BTBD8: variants seen among roughly 807,000 people sequenced by gnomAD.
BTBD8 encodes BTB domain containing 8.
Under a neutral mutation model 162.9 loss-of-function variants are expected in BTBD8, and 110 were observed. That is an observed-to-expected ratio of 0.68 (90% CI 0.58 to 0.79). The LOEUF (loss-of-function observed/expected upper bound fraction) is 0.79. Ranked by LOEUF, BTBD8 falls within the 30% of genes least tolerant of loss-of-function variation. The pLI, the probability that BTBD8 is intolerant of heterozygous loss-of-function variation, is 0.00. For synonymous variants in BTBD8, 667 were observed against 716.1 expected (o/e 0.93, Z 1.10); for missense variants, 1,905 against 2,085.4 (o/e 0.91, Z 1.68).
At chr1:92,144,368 G>A (rs1391279792) in intron 7 of BTBD8, among the ~76,000 whole-genome samples, 4 of 151,964 alleles carry the variant, frequency 2.6e-5, no homozygotes. Context: ...ATAATGTGAT[G>A]GGCAGTCGGC....
rs547038109 is a variant in BTBD8 at position 92,184,321 on chromosome 1, T to G, written c.5370T>G (p.Thr1790=). ...AGTGGACAATTCTGGAACTGGAAACTCAGCATTAAGTGTTAACATTTTGGA... is the reference window on the plus strand; with the variant it reads ...AGTGGACAATTCTGGAACTGGAAACGCAGCATTAAGTGTTAACATTTTGGA... The part of the protein sequence containing the change: ...QGEWTILELE[T]QH The change falls in exon 18 of 18, where the codon ACT becomes ACG. Residue 1790 remains threonine, a synonymous_variant. Transcript: ENST00000636805. The G allele has an allele frequency of 9.0e-6, 14 of 1,547,236 alleles. No individual in the cohort carries two copies. In the South Asian group the frequency reaches 1.4e-4, roughly 16 times the overall value.
intron 16 of BTBD8, among the ~76,000 whole-genome samples, chr1:92,178,825 A>G (rs1290249019): frequency 6.6e-6 from 1 of 152,178 alleles, no homozygotes. Context: ...GAGAGAAATA[A>G]TTAAGGGAGT....
chr1:92,107,958 G>A lies in BTBD8; in HGVS notation c.619G>A (p.Asp207Asn), dbSNP rs766250060. ...GCTTTATGTGAAACCTTGTTGCCCA[G>A]ATATTGATATTTTTGTTGATGGAAA... ...LKLYVKPCCP[D>N]IDIFVDGKRF... The change falls in exon 4 of 18, where the codon GAT becomes AAT. Residue 207 changes from aspartate to asparagine, a missense_variant. This residue lies in a region of BTBD8 where 1,374 missense variants were observed against 1,442.7 expected (regional missense o/e 0.95). Coordinates refer to ENST00000636805, the MANE Select transcript of BTBD8 (RefSeq NM_001376131.1). 2 of 1,614,078 alleles carry A rather than the reference G, an allele frequency of 1.2e-6. No individual in the cohort carries two copies. The highest frequency in any genetic ancestry group is 1.7e-6 in the Non-Finnish European group (2 of 1,179,988).
chr1:92,180,128 T>A (rs1035723321), intron 16 of BTBD8, 137 bp from the exon 17 acceptor site: 1 of 624,434 alleles, frequency 1.6e-6, no homozygotes, highest in African/African-American at 1.9e-5. Flanking sequence ...CTTGTCCATT[T>A]GATCATAGAT....
intron 1 of BTBD8, among the ~76,000 whole-genome samples, chr1:92,085,960 G>A (rs1005934254): frequency 1.3e-5 from 2 of 152,156 alleles, no homozygotes; most frequent in Admixed American, 6.5e-5. Context: ...GGAAGCCCAC[G>A]CTGTTTATTG....
chr1:92,151,090 C>T (rs959600938), intron 9 of BTBD8, among the ~76,000 whole-genome samples: 23 of 152,052 alleles, frequency 1.5e-4, no homozygotes, highest in South Asian at 4.1e-4. Context: ...TGGTGGCTCG[C>T]GCCTGTAATC....
intron 6 of BTBD8, chr1:92,139,634 A>G (rs1649719504): frequency 1.9e-6 from 2 of 1,074,516 alleles, no homozygotes; most frequent in Non-Finnish European, 2.3e-6. Flanking sequence ...CACAGTAATA[A>G]GATTGAGAAC....
chr1:92,112,285 T>C (rs1648918440), intron 4 of BTBD8, among the ~76,000 whole-genome samples: 1 of 152,086 alleles, frequency 6.6e-6, no homozygotes, highest in Non-Finnish European at 1.5e-5. Flanking sequence ...GCACCTGTAG[T>C]CTCAGCTAAT....
At chr1:92,093,621 T>G (rs1371855033) in intron 2 of BTBD8, among the ~76,000 whole-genome samples, 3 of 152,208 alleles carry the variant, frequency 2.0e-5, no homozygotes, top group African/African-American at 7.2e-5. Flanking sequence ...TTACCATTAG[T>G]TTCCTCCTCT....
chr1:92,127,687 G>A (rs1203305023), intron 4 of BTBD8, among the ~76,000 whole-genome samples: 2 of 151,982 alleles, frequency 1.3e-5, no homozygotes, highest in Non-Finnish European at 2.9e-5. Context: ...TGACTCTCCC[G>A]AGTAGCAGGG....
In BTBD8 at chr1:92,088,750, T is replaced by G; in HGVS notation, c.202T>G (p.Leu68Val). The G allele has an allele frequency of 6.2e-7, 1 of 1,612,740 alleles. No homozygotes were observed. The highest frequency in any genetic ancestry group is 8.5e-7 in the Non-Finnish European group (1 of 1,179,172). Residue 68 changes from leucine (L) to valine (V), a missense_variant, in exon 2 of 18, where the codon TTG becomes GTG. Transcript: ENST00000636805. The part of the protein sequence containing the change: ...TDVTFSVGCT[L>V]FKAHKAVLLA... ...TGTTACCTTCTCTGTGGGTTGTACT[T>G]TGTTCAAAGCACACAAAGCAGTCCT...
rs114282740 is a variant in BTBD8, at chr1:92,152,818, A to G, written c.1122+5032A>G. The stretch of plus-strand genomic sequence containing the variant: ...TGAATACTTGACATTTTCTTTCAAG[A>G]CAGATAAAAAGATAAACATCAGAAC... On this transcript the variant is annotated intron_variant, in intron 9 of 17. Coordinates refer to ENST00000636805, the MANE Select transcript of BTBD8 (RefSeq NM_001376131.1). Among the ~76,000 whole-genome samples the G allele has an allele frequency of 1.8e-3, 268 of 152,290 alleles. 3 individuals carry two copies. The highest frequency in any genetic ancestry group is 5.9e-3 in the African/African-American group (245 of 41,570).
At chr1:92,183,210 G>A (rs1021181829) in intron 17 of BTBD8, among the ~76,000 whole-genome samples, 12 of 152,088 alleles carry the variant, frequency 7.9e-5, no homozygotes, top group African/African-American at 2.7e-4. Context: ...ATGATTTTCT[G>A]TCTAATTGTT....
intron 4 of BTBD8, among the ~76,000 whole-genome samples, chr1:92,114,549 A>G (rs1038915204): frequency 6.6e-6 from 1 of 152,084 alleles, no homozygotes; most frequent in African/African-American, 2.4e-5. Flanking sequence ...AGGCTCAATC[A>G]TACTATGAGG....
At chr1:92,120,752 T>C (rs2101919907) in intron 4 of BTBD8, among the ~76,000 whole-genome samples, 1 of 152,320 alleles carries the variant, frequency 6.6e-6, no homozygotes, top group East Asian at 1.9e-4. Flanking sequence ...AACATTGTTA[T>C]GTAGCACATG....
intron 7 of BTBD8, among the ~76,000 whole-genome samples, chr1:92,146,555 T>C (rs1649926602): frequency 6.6e-6 from 1 of 152,244 alleles, no homozygotes; most frequent in Non-Finnish European, 1.5e-5. Context: ...TCTACCATTA[T>C]AGTATCATAC....
At chr1:92,099,606 T>A (rs953071680) in intron 2 of BTBD8, among the ~76,000 whole-genome samples, 3 of 152,214 alleles carry the variant, frequency 2.0e-5, no homozygotes, top group African/African-American at 4.8e-5. Context: ...ATACTTCTTT[T>A]GTTAAATATA....
In BTBD8 at chr1:92,181,107, G is replaced by T. The variant is rs986978617; in HGVS notation, c.3424G>T (p.Val1142Leu). The change falls in exon 17 of 18, where the codon GTG (valine) becomes TTG (leucine). Residue 1142 changes from valine to leucine, a missense_variant. Val to Leu is a conservative substitution (Grantham distance 32). Around this residue, in one of 3 missense-constraint regions of BTBD8, gnomAD observed 1,374 missense variants for 1,442.7 expected, o/e 0.95. Transcript: ENST00000636805. ...AAACAAACAATCAAGTATTAAATGT[G>T]TGGAAGATGTTTCACTGTGTAATCC... is the stretch of plus-strand genomic sequence containing the variant. ...DTNKQSSIKC[V>L]EDVSLCNPER... is the part of the protein sequence containing the mutation. The T allele has an allele frequency of 6.4e-7, 1 of 1,551,632 alleles. No individual in the cohort carries two copies. Among genetic ancestry groups the T allele is most frequent in the Non-Finnish European group, 8.7e-7 (1 of 1,146,978 alleles).
chr1:92,150,322 A>G (rs1650017083), intron 9 of BTBD8, among the ~76,000 whole-genome samples: 1 of 152,214 alleles, frequency 6.6e-6, no homozygotes. Flanking sequence ...CAGAAATATT[A>G]ATAAAAACAA....
Sources: allele counts gnomAD v4.1 joint callset (sites outside exome capture counted in the v4.1 genomes callset), GRCh38; gene constraint gnomAD v4.1.1; regional missense constraint gnomAD v4.1.1; transcripts MANE v1.5; gene names NCBI Gene and HGNC (gene_info 2026-07-23, HGNC 2026-07-21).